Variants in BFSP2 observed in about 807,000 individuals in gnomAD.
BFSP2 encodes phakinin.
In BFSP2, 38 loss-of-function variants were observed where a neutral mutation model predicts 44.9. The ratio of observed to expected loss-of-function variants is 0.85; its 90% CI spans 0.65 to 1.11. The LOEUF (loss-of-function observed/expected upper bound fraction) is 1.11. Among genes scored for constraint, BFSP2 ranks in the 50% least tolerant of loss-of-function variants. The pLI, the probability that BFSP2 is intolerant of heterozygous loss-of-function variation, is 0.00. For missense variants in BFSP2, 525 were observed against 533.0 expected (o/e 0.99, Z 0.15); for synonymous variants, 197 against 209.9 (o/e 0.94, Z 0.53).
intron 4 of BFSP2, among the ~76,000 whole-genome samples, chr3:133,458,806 G>A (rs1481964045): frequency 6.6e-6 from 1 of 152,096 alleles, no homozygotes; most frequent in Non-Finnish European, 1.5e-5. Context: ...ACCAATATCT[G>A]GGTAACTACA....
At chr3:133,456,917 C>T (rs565487153) in intron 4 of BFSP2, among the ~76,000 whole-genome samples, 1 of 152,338 alleles carries the variant, frequency 6.6e-6, no homozygotes, top group South Asian at 2.1e-4. Flanking sequence ...ATGTCATCTA[C>T]ACTTACAAAC....
chr3:133,445,188 G>T (rs1338493014), intron 1 of BFSP2, among the ~76,000 whole-genome samples: 1 of 152,236 alleles, frequency 6.6e-6, no homozygotes, highest in African/African-American at 2.4e-5. Context: ...TACTGGAGCA[G>T]GCTTTCTCAG....
chr3:133,429,935 G>A (rs965408661), intron 1 of BFSP2, among the ~76,000 whole-genome samples: 95 of 150,656 alleles, frequency 6.3e-4, no homozygotes, highest in Non-Finnish European at 1.2e-3. Flanking sequence ...TCCCCGGTGC[G>A]TGATGTTCCC....
chr3:133,429,659 G>GTTGACAAATCTATCATTTCATTGTATA (rs2073689271), intron 1 of BFSP2: 2 of 152,024 alleles, frequency 1.3e-5, no homozygotes, highest in Non-Finnish European at 2.9e-5. Flanking sequence ...AGATTTATCT[G>GTTGACAAATCTATCATTTCATTGTATA]TGTTGACAAA....
chr3:133,450,540 T>C, intron 4 of BFSP2, 76 bp downstream of exon 4: 1 of 1,545,236 alleles, frequency 6.5e-7, no homozygotes, highest in Non-Finnish European at 8.9e-7. Flanking sequence ...CTAGTCAATG[T>C]GCAGACGAAG....
At chr3:133,472,205 A>T in intron 5 of BFSP2, 140 bp from the exon 6 acceptor site, 1 of 887,040 alleles carries the variant, frequency 1.1e-6, no homozygotes, top group Non-Finnish European at 1.8e-6. Flanking sequence ...AACCCCCATC[A>T]GTCTCCATAA....
At chr3:133,420,181 C>T (rs550285664) in intron 1 of BFSP2, among the ~76,000 whole-genome samples, 7 of 152,228 alleles carry the variant, frequency 4.6e-5, no homozygotes, top group Non-Finnish European at 7.4e-5. Flanking sequence ...CAGGAGAACC[C>T]GGGACATCTC....
chr3:133,445,944 C>G lies in BFSP2; in HGVS notation c.490-1373C>G, dbSNP rs183655095. On this transcript the variant is annotated intron_variant, in intron 1 of 6. Transcript: ENST00000302334. ...ATCACTATTTTAAGCCAATATTAGT[C>G]CTTTGATACTTAAATGTGAATGAGT... Among the ~76,000 whole-genome samples, 169 of 152,146 alleles carry G rather than the reference C, an allele frequency of 1.1e-3. 1 individual carries two copies. The highest frequency in any genetic ancestry group is 4.0e-3 in the African/African-American group (164 of 41,490).
chr3:133,432,896 A>T (rs1187309195), intron 1 of BFSP2, among the ~76,000 whole-genome samples: 2 of 152,088 alleles, frequency 1.3e-5, no homozygotes, highest in African/African-American at 4.8e-5. Context: ...AAACAACTTG[A>T]CCTTACTGTT....
At chr3:133,414,589 CCTGTCCTCTCCCCTCTACTTATA>C in intron 1 of BFSP2, among the ~76,000 whole-genome samples, 1 of 122,290 alleles carries the variant, frequency 8.2e-6, no homozygotes, top group Non-Finnish European at 1.7e-5. Context: ...TCTACTCAGC[CCTGTCCTCTCCCCTCTACTTATA>C]CCTGCCATCT....
Position 133,428,875 on chromosome 3 carries a change from C to T in BFSP2, c.490-18442C>T, listed in dbSNP as rs118180682. Among the ~76,000 whole-genome samples the T allele has an allele frequency of 1.4e-4, 21 of 152,316 alleles. No individual in the cohort carries two copies. In the East Asian group the frequency reaches 3.3e-3, roughly 24 times the overall value. On this transcript the variant is annotated intron_variant, in intron 1 of 6. Transcript: ENST00000302334. The stretch of plus-strand genomic sequence containing the variant: ...AGTCTCTCCCTGTGTCTGTCAGGGT[C>T]CCAAGATGTATCAGCCACTGTGCTA...
intron 4 of BFSP2, among the ~76,000 whole-genome samples, chr3:133,462,075 C>CAT (rs2074069568): frequency 1.3e-5 from 2 of 152,054 alleles, no homozygotes; most frequent in Non-Finnish European, 2.9e-5. Flanking sequence ...CAGGCATGGA[C>CAT]CTGGGAGTGC....
chr3:133,406,634 G>A (rs1303461827), intron 1 of BFSP2, among the ~76,000 whole-genome samples: 1 of 152,152 alleles, frequency 6.6e-6, no homozygotes, highest in Non-Finnish European at 1.5e-5. Context: ...TCTGAATAAT[G>A]AGGATGATTA....
chr3:133,423,407 C>A (rs1276193731), intron 1 of BFSP2, among the ~76,000 whole-genome samples: 2 of 152,162 alleles, frequency 1.3e-5, no homozygotes, highest in East Asian at 3.8e-4. Flanking sequence ...AGTGCTTGCC[C>A]ATGGTAAGCA....
intron 1 of BFSP2, among the ~76,000 whole-genome samples, chr3:133,416,633 C>T (rs58565878): frequency 0.011 from 1,487 of 139,576 alleles, 49 homozygotes; most frequent in African/African-American, 0.04. Flanking sequence ...CCCCTGTCCT[C>T]TCCCTTCTAC....
In BFSP2 at chr3:133,472,465, G is replaced by C; in HGVS notation, c.1144G>C (p.Glu382Gln). 6.2e-7 allele frequency: 1 copy of C among 1,614,002 alleles called. No homozygotes were observed. The highest frequency in any genetic ancestry group is 8.5e-7 in the Non-Finnish European group (1 of 1,180,024). The stretch of plus-strand genomic sequence containing the variant: ...GCTCAGGGAAATCCGAGCGGAGGCG[G>C]AGCAGCAGCAACAGGAGCGCGCGCA... ...AELREIRAEAEQQQQERAHLL... is the reference protein window; with the variant it reads ...AELREIRAEAQQQQQERAHLL... The change falls in exon 6 of 7, where the codon GAG becomes CAG. Residue 382 changes from glutamate (E) to glutamine (Q), a missense_variant. Coordinates refer to ENST00000302334, the MANE Select transcript of BFSP2 (RefSeq NM_003571.4).
chr3:133,474,778 C>A (rs879608372), intron 6 of BFSP2, among the ~76,000 whole-genome samples, 191 bp from the exon 7 acceptor site: 2 of 152,166 alleles, frequency 1.3e-5, no homozygotes, highest in Non-Finnish European at 2.9e-5. Context: ...GAAACAAAGC[C>A]TCAGAGAGCT....
chr3:133,426,819 A>G (rs1345216806), intron 1 of BFSP2, among the ~76,000 whole-genome samples: 5 of 152,200 alleles, frequency 3.3e-5, no homozygotes, highest in Non-Finnish European at 7.3e-5. Context: ...CTGACACCCT[A>G]CGTGATATGG....
intron 1 of BFSP2, chr3:133,404,783 T>G (rs1339756407): frequency 1.3e-5 from 2 of 152,226 alleles, no homozygotes; most frequent in Admixed American, 1.3e-4. Flanking sequence ...ATTATATAGC[T>G]GGTCCTAGTT....
Sources: gnomAD v4.1 joint callset for allele counts (sites outside exome capture counted in the v4.1 genomes callset) on GRCh38, gnomAD v4.1.1 for gene constraint, MANE v1.5 for transcripts, NCBI Gene and HGNC (gene_info 2026-07-23, HGNC 2026-07-21) for gene names.